The following ZNF670 variants were observed in gnomAD, a reference collection of about 807,000 sequenced individuals.
ZNF670 encodes zinc finger protein 670.
ZNF670 carries 7 observed loss-of-function variants against 10.9 expected under a neutral mutation model. That is an observed-to-expected ratio of 0.64 (90% CI 0.36 to 1.20). The LOEUF is 1.20. Ranked by LOEUF, ZNF670 falls within the 50% of genes most tolerant of loss-of-function variation. The probability of loss-of-function intolerance (pLI) is 0.02; values close to 1 mark genes in which losing one functional copy is unlikely to be tolerated. For missense variants in ZNF670, 446 were observed against 458.6 expected (o/e 0.97, Z 0.25); for synonymous variants, 136 against 152.7 (o/e 0.89, Z 0.81).
chr1:247,071,143 T>C (rs993135747), intron 1 of ZNF670, among the ~76,000 whole-genome samples: 7 of 152,178 alleles, frequency 4.6e-5, no homozygotes, highest in African/African-American at 1.7e-4. Context: ...GGAATCTGAA[T>C]CATTCTACCA....
intron 1 of ZNF670, among the ~76,000 whole-genome samples, chr1:247,049,333 T>C (rs1670537971): frequency 6.6e-6 from 1 of 152,178 alleles, no homozygotes; most frequent in Admixed American, 6.5e-5. Context: ...CCCAAAGTGC[T>C]GGGATTACAG....
Position 247,036,156 on chromosome 1 carries a change from C to G in ZNF670, c.*1293G>C, listed in dbSNP as rs114789557. Among the ~76,000 whole-genome samples the G allele has an allele frequency of 3.4e-3, 510 of 152,232 alleles. 2 individuals are homozygous for G. The highest frequency in any genetic ancestry group is 0.011 in the African/African-American group (470 of 41,538). ...GAATGCCAAAAACCACAAATCATCT[C>G]AATAGATGCAGAAAAAAACATGTCA... On this transcript the variant is annotated 3_prime_UTR_variant, in exon 4 of 4. Coordinates refer to ENST00000366503, the MANE Select transcript of ZNF670 (RefSeq NM_033213.5).
At position 247,048,544 on chromosome 1, in the gene ZNF670, C is replaced by G. The variant is rs116302220; in HGVS notation, c.4-9007G>C. On this transcript the variant is annotated intron_variant, in intron 1 of 3. Transcript: ENST00000366503. ...CTGTTACCCAGTTCCAAAGTAACTT[C>G]CACATATTCAGGTATCTTTATAGCA... Among the ~76,000 whole-genome samples the G allele has an allele frequency of 5.4e-3, 820 of 152,310 alleles. 7 individuals are homozygous for G. Among genetic ancestry groups the G allele is most frequent in the African/African-American group, 0.018 (764 of 41,566 alleles).
intron 1 of ZNF670, among the ~76,000 whole-genome samples, chr1:247,051,799 G>T (rs79305874): frequency 0.052 from 5,099 of 97,280 alleles, 217 homozygotes; most frequent in African/African-American, 0.14. Context: ...TTTTTTTTTT[G>T]TTTTGTTGCA....
intron 2 of ZNF670, 87 bp downstream of exon 2, chr1:247,039,324 G>A (rs1670249984): frequency 6.7e-7 from 1 of 1,490,424 alleles, no homozygotes; most frequent in South Asian, 1.3e-5. Flanking sequence ...GCCTCCCAAA[G>A]TGCTGGGATT....
At chr1:247,063,042 G>A (rs10924899) in intron 1 of ZNF670, among the ~76,000 whole-genome samples, 14,073 of 152,230 alleles carry the variant, frequency 0.092, 758 homozygotes, top group South Asian at 0.19. Flanking sequence ...AAATGTCTGC[G>A]CTTAGGTAAA....
At chr1:247,052,224 C>T (rs752295063) in intron 1 of ZNF670, among the ~76,000 whole-genome samples, 13 of 152,110 alleles carry the variant, frequency 8.5e-5, no homozygotes, top group South Asian at 2.1e-4. Flanking sequence ...TAGACTATGT[C>T]AGAGGAAAGA....
intron 1 of ZNF670, among the ~76,000 whole-genome samples, chr1:247,054,580 G>C (rs1670674479): frequency 6.6e-6 from 1 of 152,222 alleles, no homozygotes; most frequent in Non-Finnish European, 1.5e-5. Context: ...TGCCTTGAAA[G>C]AAAGAACCTA....
intron 1 of ZNF670, among the ~76,000 whole-genome samples, chr1:247,062,015 G>A (rs1358177127): frequency 6.6e-6 from 1 of 152,136 alleles, no homozygotes; most frequent in Non-Finnish European, 1.5e-5. Flanking sequence ...AATAAACTGT[G>A]ATCATATTTG....
chr1:247,077,603 C>G (rs759752336), intron 1 of ZNF670, among the ~76,000 whole-genome samples: 4 of 146,168 alleles, frequency 2.7e-5, no homozygotes, highest in Non-Finnish European at 4.5e-5. Flanking sequence ...ATTTTCAGAA[C>G]GACTCACTAC....
chr1:247,069,461 A>G (rs1671067144), intron 1 of ZNF670, among the ~76,000 whole-genome samples: 1 of 151,214 alleles, frequency 6.6e-6, no homozygotes, highest in African/African-American at 2.5e-5. Context: ...AACTAAAAAG[A>G]AACCTGCCAT....
intron 1 of ZNF670, among the ~76,000 whole-genome samples, chr1:247,076,499 G>A (rs999580934): frequency 9.2e-5 from 14 of 151,954 alleles, no homozygotes; most frequent in South Asian, 4.2e-4. Context: ...CTCGTGATCC[G>A]CCCGCCTCGG....
At chr1:247,046,214 TAA>T (rs1572558989) in intron 1 of ZNF670, among the ~76,000 whole-genome samples, 2 of 152,216 alleles carry the variant, frequency 1.3e-5, no homozygotes, top group East Asian at 3.9e-4. Flanking sequence ...CAATGACTTG[TAA>T]GAGAGAGTTG....
At chr1:247,074,233 C>T (rs1478374111) in intron 1 of ZNF670, among the ~76,000 whole-genome samples, 2 of 152,062 alleles carry the variant, frequency 1.3e-5, no homozygotes, top group East Asian at 1.9e-4. Context: ...AAAATACTTG[C>T]TAACCAAATT....
chr1:247,050,603 A>C (rs916865754), intron 1 of ZNF670, among the ~76,000 whole-genome samples: 1 of 151,924 alleles, frequency 6.6e-6, no homozygotes, highest in Admixed American at 6.6e-5. Context: ...AGCCACCCGA[A>C]TAGCTGGGAC....
intron 1 of ZNF670, among the ~76,000 whole-genome samples, chr1:247,053,272 T>C (rs539345003): frequency 6.6e-6 from 1 of 152,310 alleles, no homozygotes; most frequent in East Asian, 1.9e-4. Flanking sequence ...CTTCTGTCCC[T>C]GTATCTGCAC....
At chr1:247,051,535 C>G (rs1670595294) in intron 1 of ZNF670, among the ~76,000 whole-genome samples, 1 of 152,176 alleles carries the variant, frequency 6.6e-6, no homozygotes, top group South Asian at 2.1e-4. Flanking sequence ...TTTTGCCTCA[C>G]AGCTCTTCAG....
intron 1 of ZNF670, among the ~76,000 whole-genome samples, chr1:247,064,723 C>T (rs972697088): frequency 3.3e-5 from 5 of 152,222 alleles, no homozygotes; most frequent in Admixed American, 6.5e-5. Flanking sequence ...CTCTGCAATT[C>T]GGGACGAGGC....
At chr1:247,057,941 T>A (rs1488057678) in intron 1 of ZNF670, among the ~76,000 whole-genome samples, 1 of 152,194 alleles carries the variant, frequency 6.6e-6, no homozygotes, top group African/African-American at 2.4e-5. Context: ...CAAAACAGGA[T>A]GATTACAGTC....
Sources: allele counts gnomAD v4.1 joint callset (sites outside exome capture counted in the v4.1 genomes callset), GRCh38; gene constraint gnomAD v4.1.1; transcripts MANE v1.5; gene names NCBI Gene and HGNC (gene_info 2026-07-23, HGNC 2026-07-21).